TMEM17: variants seen among roughly 807,000 people sequenced by gnomAD.
TMEM17 encodes transmembrane protein 17.
A neutral mutation model predicts 19.1 loss-of-function variants in TMEM17; 15 were observed. That is an observed-to-expected ratio of 0.78 (90% confidence interval 0.52 to 1.21). TMEM17 has a LOEUF of 1.21. Among genes scored for constraint, TMEM17 ranks in the 50% most tolerant of loss-of-function variants. TMEM17 has a pLI of 0.00. For synonymous variants in TMEM17, 103 were observed against 86.9 expected (o/e 1.19, Z -1.03); for missense variants, 245 against 242.3 (o/e 1.01, Z -0.07).
the TMEM17 span, among the ~76,000 whole-genome samples, chr2:62,488,819 ATAATTAAAAACTTCTCCAACCT>A: frequency 7.1e-6 from 1 of 139,964 alleles, no homozygotes; most frequent in East Asian, 2.0e-4. Flanking sequence ...TTTTTGGAGT[ATAATTAAAAACTTCTCCAACCT>A]TAGCACAGCT....
chr2:62,492,644 G>T, the TMEM17 span, among the ~76,000 whole-genome samples: 1 of 152,224 alleles, frequency 6.6e-6, no homozygotes. Context: ...TCCTTCATCT[G>T]TGCATTCAGT....
the TMEM17 span, among the ~76,000 whole-genome samples, chr2:62,476,624 C>G: frequency 3.9e-5 from 6 of 152,176 alleles, no homozygotes; most frequent in East Asian, 1.2e-3. Context: ...TGTATTTAAG[C>G]TAGGGAAGTG....
At chr2:62,492,381 C>T in the TMEM17 span, among the ~76,000 whole-genome samples, 5 of 152,228 alleles carry the variant, frequency 3.3e-5, no homozygotes, top group Non-Finnish European at 5.9e-5. Flanking sequence ...TCCCAGCACA[C>T]TGCCTGGCAC....
the TMEM17 span, among the ~76,000 whole-genome samples, chr2:62,457,765 G>T: frequency 6.6e-6 from 1 of 152,154 alleles, no homozygotes; most frequent in Non-Finnish European, 1.5e-5. This position sits in a 1 kb window ranked among gnomAD's most constrained non-coding sequence, Gnocchi z 4.2. Context: ...AGTTTAACTG[G>T]GTGCGCTCTC....
chr2:62,485,685 G>C, the TMEM17 span, among the ~76,000 whole-genome samples: 2 of 152,158 alleles, frequency 1.3e-5, no homozygotes, highest in Non-Finnish European at 2.9e-5. Context: ...CCTTTTAGCA[G>C]TTTTACTGCT....
the TMEM17 span, among the ~76,000 whole-genome samples, chr2:62,466,865 A>G: frequency 1.3e-5 from 2 of 152,242 alleles, no homozygotes; most frequent in African/African-American, 2.4e-5. Flanking sequence ...ATGCGGGGCC[A>G]TGGAGAGTGT....
chr2:62,465,237 G>T, the TMEM17 span, among the ~76,000 whole-genome samples: 1 of 152,172 alleles, frequency 6.6e-6, no homozygotes, highest in South Asian at 2.1e-4. Context: ...AGTTGGTTAG[G>T]TCAGATCTCT....
At chr2:62,483,604 T>G in the TMEM17 span, among the ~76,000 whole-genome samples, 3,226 of 149,892 alleles carry the variant, frequency 0.022, 109 homozygotes, top group African/African-American at 0.075. Flanking sequence ...GATACATTTT[T>G]TTTTTTTTTT....
chr2:62,471,538 C>G, the TMEM17 span, among the ~76,000 whole-genome samples: 1 of 152,232 alleles, frequency 6.6e-6, no homozygotes, highest in Non-Finnish European at 1.5e-5. Flanking sequence ...GAGATTGCTT[C>G]CTAGATTGGG....
chr2:62,502,327 G>A (rs960428059), intron 3 of TMEM17, 110 bp downstream of exon 3: 52 of 628,806 alleles, frequency 8.3e-5, no homozygotes, highest in Non-Finnish European at 1.6e-5. Flanking sequence ...CTGGAGTCAG[G>A]CTTTAAATTC....
the TMEM17 span, among the ~76,000 whole-genome samples, chr2:62,470,496 G>A: frequency 6.6e-6 from 1 of 152,208 alleles, no homozygotes; most frequent in Non-Finnish European, 1.5e-5. Context: ...TAGTATTTCA[G>A]GTGAGTGCAG....
the TMEM17 span, among the ~76,000 whole-genome samples, chr2:62,483,083 A>G: frequency 1.9e-4 from 29 of 152,232 alleles, no homozygotes; most frequent in Admixed American, 1.9e-3. Context: ...AGGTTAAGTG[A>G]CTTGCCCAAG....
the TMEM17 span, among the ~76,000 whole-genome samples, chr2:62,471,697 A>C: frequency 6.6e-6 from 1 of 152,154 alleles, no homozygotes; most frequent in Non-Finnish European, 1.5e-5. Flanking sequence ...GAAAGATTAG[A>C]ATTTGTCCGG....
the TMEM17 span, among the ~76,000 whole-genome samples, chr2:62,491,924 C>A: frequency 1.6e-3 from 227 of 145,786 alleles, no homozygotes; most frequent in African/African-American, 5.3e-3. Context: ...AGGCAAAAAA[C>A]CAAAAAAAAA....
At chr2:62,478,243 C>T in the TMEM17 span, among the ~76,000 whole-genome samples, 1 of 152,318 alleles carries the variant, frequency 6.6e-6, no homozygotes, top group South Asian at 2.1e-4. Flanking sequence ...ACAGCATGAA[C>T]TCATGTTTTC....
the TMEM17 span, among the ~76,000 whole-genome samples, chr2:62,473,200 T>C: frequency 6.6e-6 from 1 of 152,334 alleles, no homozygotes; most frequent in South Asian, 2.1e-4. Flanking sequence ...AGTAGGTCAA[T>C]TGATCCTCTG....
chr2:62,455,296 A>G, the TMEM17 span, among the ~76,000 whole-genome samples: 9 of 152,200 alleles, frequency 5.9e-5, no homozygotes, highest in Non-Finnish European at 1.3e-4. Context: ...CATAACAGTA[A>G]TCTGTTCCTT....
At chr2:62,459,583 A>G in the TMEM17 span, among the ~76,000 whole-genome samples, 1 of 152,260 alleles carries the variant, frequency 6.6e-6, no homozygotes, top group Non-Finnish European at 1.5e-5. Context: ...TTTAATCACT[A>G]CAAACTAACT....
the TMEM17 span, among the ~76,000 whole-genome samples, chr2:62,470,530 A>G: frequency 6.6e-6 from 1 of 152,212 alleles, no homozygotes; most frequent in African/African-American, 2.4e-5. Flanking sequence ...ACATTTTCAC[A>G]AGTGCAGCTG....
Sources: gnomAD v4.1 joint callset for allele counts (sites outside exome capture counted in the v4.1 genomes callset) on GRCh38, gnomAD v4.1.1 for gene constraint, Gnocchi (gnomAD v3.1) non-coding constraint, MANE v1.5 for transcripts, NCBI Gene and HGNC (gene_info 2026-07-23, HGNC 2026-07-21) for gene names.